Variants in DMD observed in about 807,000 individuals in gnomAD.
DMD encodes dystrophin, also known as mutant dystrophin.
In DMD, 63 loss-of-function variants were observed where a neutral mutation model predicts 330.1. That is an observed-to-expected ratio of 0.19 (90% confidence interval 0.16 to 0.24). The LOEUF is 0.24. Among genes scored for constraint, DMD ranks in the 10% least tolerant of loss-of-function variants. The pLI is 1.00. For missense variants in DMD, 3,344 were observed against 2,684.1 expected (o/e 1.25, Z -5.43); for synonymous variants, 1,223 against 959.8 (o/e 1.27, Z -5.07).
chrX:31,479,023 C>T lies in DMD; in HGVS notation c.8628G>A (p.Gln2876=), dbSNP rs777817144. The T allele has an allele frequency of 8.3e-7, 1 of 1,209,703 alleles. No individual in the cohort carries two copies. Among genetic ancestry groups the T allele is most frequent in the Non-Finnish European group, 1.1e-6 (1 of 893,822 alleles). ...LETVRIFLTE[Q]PLEGLEKLYQ... ...AGAGTTTCTCTAGTCCTTCCAAAGG[C>T]TGCTCTGTCAGAAATATTCGTACAG... The change falls in exon 58 of 79, where the codon CAG becomes CAA. Residue 2876 remains glutamine, a synonymous_variant. Coordinates refer to ENST00000357033, the MANE Select transcript of DMD (RefSeq NM_004006.3).
chrX:33,218,473 C>T (rs928207771), intron 1 of DMD, among the ~76,000 whole-genome samples: 144 of 111,096 alleles, frequency 1.3e-3, no homozygotes, highest in Non-Finnish European at 1.8e-3. Flanking sequence ...AAATCCTCTG[C>T]CATTTGAACT....
rs148586622 is a variant in DMD at position 32,561,802 on chromosome X, T to C, written c.1992+3900A>G. Among the ~76,000 whole-genome samples, 1,052 of 111,367 alleles carry C rather than the reference T, an allele frequency of 9.4e-3. 15 individuals carry two copies. Among genetic ancestry groups the C allele is most frequent in the African/African-American group, 0.033 (1,006 of 30,638 alleles). On this transcript the variant is annotated intron_variant, in intron 16 of 78. Transcript: ENST00000357033. ...AGGACAGCCAGAGAGAAAGGCCAGG[T>C]TACCTACAAAGGGAAGCCCATCAGG...
At chrX:31,277,600 T>C (rs1470656447) in intron 62 of DMD, among the ~76,000 whole-genome samples, 1 of 110,786 alleles carries the variant, frequency 9.0e-6, no homozygotes, top group Non-Finnish European at 1.9e-5. Context: ...CCTTCAGCAG[T>C]TTTCAGTGCC....
At chrX:33,255,281 G>C in intron 1 of DMD, among the ~76,000 whole-genome samples, 1 of 111,004 alleles carries the variant, frequency 9.0e-6, no homozygotes, top group Middle Eastern at 4.6e-3. Context: ...GTAGTCAATA[G>C]AGAATTATTA....
At chrX:31,661,176 T>C (rs2081102204) in intron 53 of DMD, among the ~76,000 whole-genome samples, 1 of 111,793 alleles carries the variant, frequency 8.9e-6, no homozygotes, top group African/African-American at 3.3e-5. Context: ...TTCTGCAAAA[T>C]TGTATTCACA....
intron 13 of DMD, among the ~76,000 whole-genome samples, chrX:32,593,190 A>T (rs1011898808): frequency 1.8e-5 from 2 of 112,541 alleles, no homozygotes; most frequent in Middle Eastern, 4.2e-3. Context: ...TGGCTGGCAA[A>T]GTGACACCCA....
intron 66 of DMD, 131 bp from the exon 67 acceptor site, chrX:31,204,249 C>G: frequency 1.9e-6 from 1 of 540,466 alleles, no homozygotes; most frequent in Non-Finnish European, 3.2e-6. Flanking sequence ...GGGGTTACTT[C>G]TAATTTGTGC....
At chrX:31,759,272 A>C in intron 51 of DMD, among the ~76,000 whole-genome samples, 1 of 83,194 alleles carries the variant, frequency 1.2e-5, no homozygotes, top group South Asian at 6.7e-4. Context: ...CAGAGATGTC[A>C]TCAAATAATT....
chrX:31,364,056 C>A (rs2059107825), intron 60 of DMD, among the ~76,000 whole-genome samples: 1 of 112,796 alleles, frequency 8.9e-6, no homozygotes, highest in Non-Finnish European at 1.9e-5. Context: ...GTCAGATCTG[C>A]CCAATTCAGT....
At chrX:33,187,317 G>C (rs774811009) in intron 1 of DMD, among the ~76,000 whole-genome samples, 1 of 112,154 alleles carries the variant, frequency 8.9e-6, no homozygotes, top group South Asian at 3.7e-4. Flanking sequence ...GCCATTCAAG[G>C]GTTTATTTTT....
At chrX:33,089,147 C>T (rs1406049226) in intron 1 of DMD, among the ~76,000 whole-genome samples, 1 of 104,655 alleles carries the variant, frequency 9.6e-6, no homozygotes, top group South Asian at 4.5e-4. Context: ...CTCACTGCAA[C>T]CTCTGCCTCC....
Position 33,200,306 on chromosome X carries a change from T to G in DMD, c.31+10976A>C, listed in dbSNP as rs369650470. On this transcript the variant is annotated intron_variant, in intron 1 of 78. Coordinates refer to ENST00000357033, the MANE Select transcript of DMD (RefSeq NM_004006.3). Reference sequence around the variant, plus strand: ...TTTACACTTTTCAAATGGAAAAATGTATTCAGTGTTGTATTATTTATCATG... The same window carrying G: ...TTTACACTTTTCAAATGGAAAAATGGATTCAGTGTTGTATTATTTATCATG... 2.6e-3 allele frequency among the ~76,000 whole-genome samples: 290 copies of G among 111,425 alleles called. 2 individuals are homozygous for G. Among genetic ancestry groups the G allele is most frequent in the African/African-American group, 9.2e-3 (282 of 30,721 alleles).
intron 44 of DMD, among the ~76,000 whole-genome samples, chrX:32,212,641 C>T (rs1269895085): frequency 2.7e-5 from 3 of 111,772 alleles, no homozygotes; most frequent in Non-Finnish European, 1.9e-5. Context: ...TGTGGATTGT[C>T]ACTGTTTTGG....
chrX:32,685,903 T>C (rs6631617), intron 9 of DMD, among the ~76,000 whole-genome samples: 16,611 of 111,527 alleles, frequency 0.15, 2,918 homozygotes, highest in African/African-American at 0.5. Context: ...TATGTGACCG[T>C]TAATTATGTG....
intron 62 of DMD, among the ~76,000 whole-genome samples, chrX:31,280,748 C>T (rs1049732429): frequency 8.9e-6 from 1 of 112,002 alleles, no homozygotes; most frequent in Non-Finnish European, 1.9e-5. Context: ...GTCATGCTGT[C>T]AGTTCCCTTC....
intron 1 of DMD, among the ~76,000 whole-genome samples, chrX:33,113,678 GA>G (rs1401581065): frequency 9.1e-6 from 1 of 110,014 alleles, no homozygotes; most frequent in African/African-American, 3.3e-5. Flanking sequence ...AGATGCTAAG[GA>G]AGCAAAATAT....
intron 32 of DMD, among the ~76,000 whole-genome samples, chrX:32,388,340 C>CTTT (rs2097974403): frequency 7.0e-5 from 2 of 28,589 alleles, no homozygotes; most frequent in Non-Finnish European, 1.2e-4. Context: ...TTTATGCTTT[C>CTTT]CTTTTTTTTT....
chrX:32,401,979 C>G (rs962012), intron 30 of DMD, among the ~76,000 whole-genome samples: 16,708 of 111,547 alleles, frequency 0.15, 1,061 homozygotes, highest in African/African-American at 0.23. Flanking sequence ...GATTGTACTT[C>G]TAGGTTAATT....
At chrX:31,622,875 T>TAC (rs1400797606) in intron 55 of DMD, among the ~76,000 whole-genome samples, 1,437 of 80,289 alleles carry the variant, frequency 0.018, 16 homozygotes, top group Non-Finnish European at 0.027. Flanking sequence ...TATATATATA[T>TAC]ATACACACAC....
Sources: gnomAD v4.1 joint callset for allele counts (sites outside exome capture counted in the v4.1 genomes callset) on GRCh38, gnomAD v4.1.1 for gene constraint, MANE v1.5 for transcripts, NCBI Gene and HGNC (gene_info 2026-07-23, HGNC 2026-07-21) for gene names.